ACTR10: variants seen among roughly 807,000 people sequenced by gnomAD.
ACTR10 encodes actin related protein 10.
A neutral mutation model predicts 56.2 loss-of-function variants in ACTR10; 43 were observed. The observed-to-expected ratio is 0.77, with a 90% CI of 0.60 to 0.99. The LOEUF is 0.99. ACTR10 is among the 50% of genes least tolerant of loss of function. The pLI is 0.00. For synonymous variants in ACTR10, 170 were observed against 176.3 expected (o/e 0.96, Z 0.28); for missense variants, 466 against 507.8 (o/e 0.92, Z 0.79).
chr14:58,217,024 G>A (rs1052982581), intron 7 of ACTR10, among the ~76,000 whole-genome samples: 20 of 152,126 alleles, frequency 1.3e-4, no homozygotes, highest in African/African-American at 4.8e-4. Flanking sequence ...TGATAGTTAA[G>A]TTAATAGCAT....
At chr14:58,202,307 C>T (rs2140039757) in intron 1 of ACTR10, among the ~76,000 whole-genome samples, 1 of 151,896 alleles carries the variant, frequency 6.6e-6, no homozygotes, top group East Asian at 1.9e-4. Context: ...GTTGGCCAGG[C>T]GCGGTGGCCC....
At chr14:58,203,533 C>G (rs987225277) in intron 2 of ACTR10, among the ~76,000 whole-genome samples, 1 of 152,180 alleles carries the variant, frequency 6.6e-6, no homozygotes, top group South Asian at 2.1e-4. Flanking sequence ...CTATCCTCAG[C>G]CCATTAGGGT....
intron 5 of ACTR10, 65 bp downstream of exon 5, chr14:58,211,464 T>C: frequency 8.7e-7 from 1 of 1,146,746 alleles, no homozygotes; most frequent in Non-Finnish European, 1.3e-6. Context: ...ATAATTAGGC[T>C]AATTATAAAT....
intron 11 of ACTR10, among the ~76,000 whole-genome samples, chr14:58,230,719 C>T (rs1889509812): frequency 6.6e-6 from 1 of 151,250 alleles, no homozygotes; most frequent in South Asian, 2.1e-4. Flanking sequence ...GAAATGGCAT[C>T]TACAACATTC....
chr14:58,203,233 C>T (rs1285130365), intron 2 of ACTR10, among the ~76,000 whole-genome samples: 3 of 135,936 alleles, frequency 2.2e-5, no homozygotes, highest in African/African-American at 5.4e-5. Flanking sequence ...ACCCGGGAGG[C>T]GGAGGTTGCA....
intron 12 of ACTR10, 137 bp downstream of exon 12, chr14:58,232,404 CTTTTTTTTTTT>C (rs5808963): frequency 1.4e-4 from 19 of 135,736 alleles, no homozygotes; most frequent in Non-Finnish European, 2.3e-4. Context: ...CTGACTTTTT[CTTTTTTTTTTT>C]TTTTTTTTTT....
In ACTR10 at chr14:58,234,389, A is replaced by G; in HGVS notation, c.1092A>G (p.Leu364=). The G allele has an allele frequency of 6.3e-7, 1 of 1,597,536 alleles. No individual in the cohort carries two copies. The highest frequency in any genetic ancestry group is 2.2e-5 in the East Asian group (1 of 44,636). ...ACACAGGGGCTATTTTTGGAGCATTACAAGATATACTTGGGAGCCGTTCTG... is the reference window on the plus strand; with the variant it reads ...ACACAGGGGCTATTTTTGGAGCATTGCAAGATATACTTGGGAGCCGTTCTG... ...AWLGGAIFGA[L]QDILGSRSVS... The change falls in exon 13 of 13, where the codon TTA becomes TTG. Residue 364 remains leucine (L), a synonymous_variant. Transcript: ENST00000254286.
At chr14:58,220,608 T>G (rs1445779963) in intron 8 of ACTR10, among the ~76,000 whole-genome samples, 1 of 152,234 alleles carries the variant, frequency 6.6e-6, no homozygotes, top group Non-Finnish European at 1.5e-5. Context: ...TAACAGTTGT[T>G]GACCATGTGG....
At chr14:58,205,396 G>A (rs534289918) in intron 2 of ACTR10, among the ~76,000 whole-genome samples, 2 of 139,818 alleles carry the variant, frequency 1.4e-5, no homozygotes, top group Non-Finnish European at 3.0e-5. Context: ...CTCACTACAA[G>A]CCCCACCTCC....
intron 10 of ACTR10, among the ~76,000 whole-genome samples, chr14:58,228,155 A>G (rs1324015239): frequency 2.0e-5 from 3 of 152,228 alleles, no homozygotes; most frequent in Non-Finnish European, 4.4e-5. Context: ...TCCAGGGACA[A>G]TATTATCATC....
At chr14:58,220,809 A>G (rs1307692347) in intron 8 of ACTR10, among the ~76,000 whole-genome samples, 1 of 152,230 alleles carries the variant, frequency 6.6e-6, no homozygotes, top group Non-Finnish European at 1.5e-5. Context: ...CATATTTATG[A>G]AAATTCAAAG....
At chr14:58,230,072 C>G (rs1045991225) in intron 10 of ACTR10, among the ~76,000 whole-genome samples, 30 of 151,954 alleles carry the variant, frequency 2.0e-4, no homozygotes, top group African/African-American at 3.9e-4. Context: ...TATTTCTTTT[C>G]TCTTATTAGG....
At chr14:58,210,782 C>T (rs147402949) in intron 4 of ACTR10, among the ~76,000 whole-genome samples, 4,064 of 151,334 alleles carry the variant, frequency 0.027, 78 homozygotes, top group Middle Eastern at 0.055. Flanking sequence ...TCAAGCAATT[C>T]TCCTGCCTCA....
At chr14:58,215,551 T>C (rs1245904842) in intron 7 of ACTR10, among the ~76,000 whole-genome samples, 4 of 152,116 alleles carry the variant, frequency 2.6e-5, no homozygotes, top group Non-Finnish European at 5.9e-5. Context: ...GATTCTTTTT[T>C]TTAGTGGTTG....
chr14:58,207,955 A>G lies in ACTR10; in HGVS notation c.170A>G (p.Tyr57Cys). The change falls in exon 3 of 13, where the codon TAT (tyrosine) becomes TGT (cysteine). Residue 57 changes from tyrosine to cysteine, a missense_variant. Transcript: ENST00000254286. The stretch of plus-strand genomic sequence containing the variant: ...TTACAGCCTGTCAGAGTTGTTCAGT[A>G]TAATATCAATACAGAAGAATTATAT... ...GMPKPVRVVQ[Y>C]NINTEELYSY... 1 of 1,504,370 alleles carries G rather than the reference A, an allele frequency of 6.6e-7. No individual in the cohort carries two copies. Among genetic ancestry groups the G allele is most frequent in the Non-Finnish European group, 8.8e-7 (1 of 1,132,466 alleles). 93.2% of individuals were successfully genotyped at this position (1,504,370 alleles called of 1,614,324 possible). A position where few individuals can be genotyped will look rare whatever the true frequency, so the allele number is the denominator to read the frequency against.
intron 6 of ACTR10, among the ~76,000 whole-genome samples, 196 bp downstream of exon 6, chr14:58,213,894 C>T (rs1206651885): frequency 6.6e-6 from 1 of 152,002 alleles, no homozygotes; most frequent in African/African-American, 2.4e-5. Flanking sequence ...TTTGGGGGTA[C>T]ATAGTAGGTG....
At chr14:58,223,301 T>G (rs1288182435) in intron 8 of ACTR10, among the ~76,000 whole-genome samples, 2 of 152,132 alleles carry the variant, frequency 1.3e-5, no homozygotes, top group African/African-American at 4.8e-5. Context: ...CACGCCCGGC[T>G]AATTTTTTGT....
At chr14:58,223,464 A>C (rs78351784) in intron 8 of ACTR10, 158 bp from the exon 9 acceptor site, 17,788 of 680,884 alleles carry the variant, frequency 0.026, 1,368 homozygotes, top group East Asian at 0.2. Context: ...TGAACAAATT[A>C]TTGTTAGCTA....
rs750111815 is a variant in ACTR10, at chr14:58,213,688, G to C, written c.508G>C (p.Ala170Pro). The C allele has an allele frequency of 6.2e-7, 1 of 1,611,484 alleles. No homozygotes were observed. The highest frequency in any genetic ancestry group is 8.5e-7 in the Non-Finnish European group (1 of 1,178,524). Residue 170 changes from alanine to proline, a missense_variant, in exon 6 of 13, where the codon GCT becomes CCT. By Grantham distance (27) the Ala-to-Pro change is conservative. Transcript: ENST00000254286. ...GGGAGCACTACCCCTAGGAGGAAAAGCTCTTCACAAGTAAGTTTCTTGGAA... is the reference window on the plus strand; with the variant it reads ...GGGAGCACTACCCCTAGGAGGAAAACCTCTTCACAAGTAAGTTTCTTGGAA... The part of the protein sequence containing the change: ...CWGALPLGGK[A>P]LHKELETQLL...
Sources: gnomAD v4.1 joint callset for allele counts (sites outside exome capture counted in the v4.1 genomes callset) on GRCh38, gnomAD v4.1.1 for gene constraint, MANE v1.5 for transcripts, NCBI Gene and HGNC (gene_info 2026-07-23, HGNC 2026-07-21) for gene names.